Variants in CPZ observed in about 807,000 individuals in gnomAD.
CPZ encodes carboxypeptidase Z.
Under a neutral mutation model 61.8 loss-of-function variants are expected in CPZ, and 103 were observed. The observed-to-expected ratio is 1.67, with a 90% CI of 1.42 to 1.96. CPZ has a LOEUF of 1.96. CPZ is among the 30% of genes most tolerant of loss of function. The pLI is 0.00. For synonymous variants in CPZ, 551 were observed against 373.7 expected, an observed-to-expected ratio of 1.47 and a Z score of -5.47; for missense variants, 1,461 against 914.9, an observed-to-expected ratio of 1.60 and a Z score of -7.70.
intron 8 of CPZ, 95 bp from the exon 9 acceptor site, chr4:8,614,262 GGC>G: frequency 6.8e-7 from 1 of 1,473,222 alleles, no homozygotes; most frequent in Non-Finnish European, 9.1e-7. Flanking sequence ...CTGACACCCC[GGC>G]GTCCCGGCTG....
At chr4:8,607,557 C>A in intron 7 of CPZ, 132 bp downstream of exon 7, 1 of 1,014,720 alleles carries the variant, frequency 9.9e-7, no homozygotes, top group Non-Finnish European at 1.4e-6. Context: ...GGGTCAGCAC[C>A]ACCTGCTCCA....
At chr4:8,605,196 G>A (rs534871265) in intron 4 of CPZ, among the ~76,000 whole-genome samples, 23 of 152,358 alleles carry the variant, frequency 1.5e-4, no homozygotes, top group African/African-American at 4.8e-4. Flanking sequence ...CAGCTGGGGA[G>A]GGAGACATCA....
Position 8,604,019 on chromosome 4 carries a change from C to T in CPZ, c.540C>T (p.Pro180=). ...AGGCACTGCCCTCAGGGCTGCCGCC[C>T]ACCTTCATCCGCTTCAGCCACCACT... The part of the protein sequence containing the change: ...ADEALPSGLP[P]TFIRFSHHSY... The change falls in exon 4 of 11, where the codon CCC becomes CCT. Residue 180 remains proline, a synonymous_variant. Coordinates refer to ENST00000360986, the MANE Select transcript of CPZ (RefSeq NM_001014447.3). 6.2e-7 allele frequency: 1 copy of T among 1,612,166 alleles called. No homozygotes were observed. Among genetic ancestry groups the T allele is most frequent in the East Asian group, 2.2e-5 (1 of 44,880 alleles).
intron 3 of CPZ, chr4:8,603,708 T>G (rs1186032479): frequency 9.2e-6 from 5 of 543,746 alleles, no homozygotes; most frequent in Non-Finnish European, 1.3e-5. Flanking sequence ...TGCTCCGTAT[T>G]TTAGGAGCTT....
chr4:8,599,822 C>G lies in CPZ; in HGVS notation c.121+337C>G, dbSNP rs182773750. On this transcript the variant is annotated intron_variant, in intron 2 of 10. Coordinates refer to ENST00000360986, the MANE Select transcript of CPZ (RefSeq NM_001014447.3). ...CATTTCATGGTCACTGGCTCTGTGCCGGGCCCCTGCTGAGTCTGGGGTTTG... is the reference window on the plus strand; with the variant it reads ...CATTTCATGGTCACTGGCTCTGTGCGGGGCCCCTGCTGAGTCTGGGGTTTG... The G allele has an allele frequency of 9.3e-6, 3 of 322,224 alleles. No individual in the cohort carries two copies. The South Asian group carries it at 1.2e-4, about 13-fold the overall frequency. The allele number at this position is 322,224 out of a possible 1,614,324, so 20.0% of individuals were successfully genotyped here.
At chr4:8,615,464 G>A (rs970295583) in intron 9 of CPZ, among the ~76,000 whole-genome samples, 6 of 152,232 alleles carry the variant, frequency 3.9e-5, no homozygotes, top group Non-Finnish European at 5.9e-5. Context: ...TATGAGCACA[G>A]ATGCCCAGTG....
chr4:8,600,941 C>T, intron 2 of CPZ, 182 bp from the exon 3 acceptor site: 1 of 1,351,410 alleles, frequency 7.4e-7, no homozygotes, highest in South Asian at 2.1e-5. Context: ...TAGGCTCCTC[C>T]TCTGGTCTCT....
chr4:8,611,912 C>G (rs919896813), intron 7 of CPZ, 115 bp from the exon 8 acceptor site: 1 of 1,428,142 alleles, frequency 7.0e-7, no homozygotes, highest in Admixed American at 1.9e-5. Flanking sequence ...CACCATTCCC[C>G]TCTCCTATCT....
chr4:8,610,203 C>T (rs901142458), intron 7 of CPZ, among the ~76,000 whole-genome samples: 2 of 152,354 alleles, frequency 1.3e-5, no homozygotes, highest in Admixed American at 1.3e-4. Context: ...AGCTTCCCTG[C>T]TCCCGCCTGG....
At chr4:8,602,773 C>T (rs3822201) in intron 3 of CPZ, 64,887 of 152,400 alleles carry the variant, frequency 0.43, 14,634 homozygotes, top group East Asian at 0.59. Context: ...GACAAACACC[C>T]GGGCCGGGCT....
chr4:8,614,515 T>C lies in CPZ; in HGVS notation c.1503+17T>C, dbSNP rs1411032141. 1.9e-6 allele frequency: 3 copies of C among 1,611,052 alleles called. No individual in the cohort carries two copies. In the African/African-American group the frequency reaches 4.0e-5, roughly 22 times the overall value. ...GTGGAGACGGTGAGTTCTGACGGTC[T>C]CAGGGCTCTGGTCCAGCTGTGGCCT... On this transcript the variant is annotated intron_variant, in intron 9 of 10. Transcript: ENST00000360986.
intron 9 of CPZ, among the ~76,000 whole-genome samples, chr4:8,617,235 C>G (rs545570592): frequency 6.6e-6 from 1 of 152,248 alleles, no homozygotes; most frequent in Admixed American, 6.5e-5. Flanking sequence ...CCTGCAGAAG[C>G]CAGAGCTGCT....
At position 8,592,791 on chromosome 4, in the gene CPZ, T is replaced by TGCCACATCAGG; in HGVS notation, c.-34_-33insGGGCCACATCA. 5 of 1,323,948 alleles carry TGCCACATCAGG rather than the reference T, an allele frequency of 3.8e-6. No individual in the cohort carries two copies. The highest frequency in any genetic ancestry group is 4.9e-6 in the Non-Finnish European group (5 of 1,027,088). 82.0% of individuals were successfully genotyped at this position (1,323,948 alleles called of 1,614,324 possible). A position where few individuals can be genotyped will look rare whatever the true frequency, so the allele number is the denominator to read the frequency against. On this transcript the variant is annotated 5_prime_UTR_variant, in exon 1 of 11. Coordinates refer to ENST00000360986, the MANE Select transcript of CPZ (RefSeq NM_001014447.3). ...GAGCCCCGGCCCCGCGCGGCCCGAG[T>TGCCACATCAGG]GCCACATCACTGCGCTGGCCGTCCA... is the stretch of plus-strand genomic sequence containing the variant.
chr4:8,617,560 C>T (rs896265159), intron 9 of CPZ, among the ~76,000 whole-genome samples: 1 of 152,180 alleles, frequency 6.6e-6, no homozygotes. Flanking sequence ...TGCTTTTATC[C>T]TGATTTTAAG....
intron 1 of CPZ, among the ~76,000 whole-genome samples, chr4:8,596,157 T>C (rs1177753881): frequency 1.3e-5 from 2 of 152,108 alleles, no homozygotes; most frequent in African/African-American, 4.8e-5. Context: ...GTTCAAGTGA[T>C]TCTCCCACCT....
In CPZ at chr4:8,618,308, T is replaced by G. The variant is rs1577132019; in HGVS notation, c.1504-121T>G. 26 of 829,512 alleles carry G rather than the reference T, an allele frequency of 3.1e-5. No homozygotes were observed. In the South Asian group the frequency reaches 4.2e-4, roughly 13 times the overall value. 51.4% of individuals were successfully genotyped at this position (829,512 alleles called of 1,614,324 possible). On this transcript the variant is annotated intron_variant, in intron 9 of 10. Coordinates refer to ENST00000360986, the MANE Select transcript of CPZ (RefSeq NM_001014447.3). ...AGAGCGAGGGCTGGCAGAGTGGGGC[T>G]CTGTGGGGTAGTTCCCCCTAGATAC...
chr4:8,614,309 G>A (rs1427091530), intron 8 of CPZ, 50 bp from the exon 9 acceptor site: 1 of 1,584,754 alleles, frequency 6.3e-7, no homozygotes, highest in Middle Eastern at 1.8e-4. Context: ...CGTCCCGGCT[G>A]TCTCTGTGCG....
intron 7 of CPZ, among the ~76,000 whole-genome samples, chr4:8,607,823 G>A (rs1351699492): frequency 3.9e-5 from 6 of 152,148 alleles, no homozygotes; most frequent in African/African-American, 1.4e-4. Context: ...CAGCGCGCAT[G>A]CTGCCCGCCC....
chr4:8,614,600 CA>C, intron 9 of CPZ, 102 bp downstream of exon 9: 1 of 1,209,402 alleles, frequency 8.3e-7, no homozygotes, highest in Non-Finnish European at 1.1e-6. Flanking sequence ...CTGCCCCATA[CA>C]CACATGCTCC....
Sources: gnomAD v4.1 joint callset for allele counts (sites outside exome capture counted in the v4.1 genomes callset) on GRCh38, gnomAD v4.1.1 for gene constraint, MANE v1.5 for transcripts, NCBI Gene and HGNC (gene_info 2026-07-23, HGNC 2026-07-21) for gene names.